EPCAM: variants seen among roughly 807,000 people sequenced by gnomAD.
The protein encoded by EPCAM is adenocarcinoma-associated antigen.
Under a neutral mutation model 40.0 loss-of-function variants are expected in EPCAM, and 39 were observed. That is an observed-to-expected ratio of 0.98 (90% CI 0.76 to 1.27). The LOEUF is 1.27. Ranked by LOEUF, EPCAM falls within the 50% of genes most tolerant of loss-of-function variation. EPCAM has a pLI of 0.00. For missense variants in EPCAM, 503 were observed against 381.2 expected (o/e 1.32, Z -2.66); for synonymous variants, 168 against 132.3 (o/e 1.27, Z -1.85).
chr2:47,385,110 G>C (rs1346662745), intron 7 of EPCAM, 56 bp from the exon 8 acceptor site: 1 of 1,312,318 alleles, frequency 7.6e-7, no homozygotes, highest in African/African-American at 1.5e-5. Flanking sequence ...TGTCTGTTTA[G>C]ATAATCTTTT....
intron 5 of EPCAM, among the ~76,000 whole-genome samples, chr2:47,378,298 T>C (rs898011811): frequency 1.4e-5 from 2 of 144,164 alleles, no homozygotes; most frequent in Non-Finnish European, 1.5e-5. Context: ...CTTTTTCTTT[T>C]CTTTTTTTTT....
At chr2:47,381,412 AG>A (rs1480522292) in intron 7 of EPCAM, among the ~76,000 whole-genome samples, 113 of 130,332 alleles carry the variant, frequency 8.7e-4, no homozygotes, top group East Asian at 7.8e-3. Flanking sequence ...AAAAAAAAAA[AG>A]AAATCTTACT....
chr2:47,369,967 G>A (rs1226485680), intron 1 of EPCAM, among the ~76,000 whole-genome samples: 1 of 152,212 alleles, frequency 6.6e-6, no homozygotes, highest in East Asian at 1.9e-4. Flanking sequence ...CCAGCCGGTG[G>A]CGGAGTCTTT....
chr2:47,376,480 G>A (rs1008673170), intron 4 of EPCAM, among the ~76,000 whole-genome samples: 6 of 151,924 alleles, frequency 3.9e-5, no homozygotes, highest in Admixed American at 1.3e-4. Flanking sequence ...GGCTGGTCTC[G>A]AACTCCCAAC....
At position 47,369,705 on chromosome 2, in the gene EPCAM, G is replaced by A. The variant is rs764848112; in HGVS notation, c.76+124G>A. ...CCAAGAGGCCGCGCTTTCCAGCGTG[G>A]AGACCGGACGGTGCGGCCGTGCTCC... On this transcript the variant is annotated intron_variant, in intron 1 of 8. Transcript: ENST00000263735. The A allele has an allele frequency of 3.8e-6, 4 of 1,039,588 alleles. No homozygotes were observed. The Admixed American group carries it at 6.0e-5, about 16-fold the overall frequency. The allele number at this position is 1,039,588 out of a possible 1,614,324, so 64.4% of individuals were successfully genotyped here. A position where few individuals can be genotyped will look rare whatever the true frequency, so the allele number is the denominator to read the frequency against.
intron 6 of EPCAM, among the ~76,000 whole-genome samples, chr2:47,379,330 C>T (rs952398155): frequency 6.6e-6 from 1 of 152,012 alleles, no homozygotes; most frequent in South Asian, 2.1e-4. Context: ...ATATGCTCCC[C>T]TATGATATTT....
intron 7 of EPCAM, chr2:47,383,121 A>G (rs1024720733): frequency 7.2e-5 from 11 of 151,946 alleles, no homozygotes; most frequent in African/African-American, 2.7e-4. Flanking sequence ...CCTGGCTAAC[A>G]CGGTGAAACC....
At chr2:47,369,746 C>A in intron 1 of EPCAM, 165 bp downstream of exon 1, 1 of 786,752 alleles carries the variant, frequency 1.3e-6, no homozygotes, top group Non-Finnish European at 2.2e-6. Context: ...AGGCCCTCCG[C>A]GCGGTAGGAA....
At chr2:47,383,568 G>C (rs1354454577) in intron 7 of EPCAM, 3 of 133,560 alleles carry the variant, frequency 2.2e-5, no homozygotes, top group African/African-American at 8.4e-5. Context: ...CTCTCAAAGT[G>C]CTAGGATTAC....
In EPCAM at chr2:47,379,847, C is replaced by A. The variant is rs2103759009; in HGVS notation, c.736C>A (p.Gln246Lys). 1.9e-6 allele frequency: 3 copies of A among 1,614,038 alleles called. No homozygotes were observed. The South Asian group carries it at 3.3e-5, about 18-fold the overall frequency. The change falls in exon 7 of 9, where the codon CAA becomes AAA. Residue 246 changes from glutamine (Q) to lysine (K), a missense_variant. By Grantham distance (53) the Gln-to-Lys change is moderately conservative. Transcript: ENST00000263735. ...NGEQLDLDPGQTLIYYVDEKA... is the reference protein window; with the variant it reads ...NGEQLDLDPGKTLIYYVDEKA... ...GGAACAACTGGATCTGGATCCTGGT[C>A]AAACTTTAATTTATTATGTTGATGA...
At chr2:47,372,659 C>G (rs1012278050) in intron 1 of EPCAM, among the ~76,000 whole-genome samples, 11 of 152,066 alleles carry the variant, frequency 7.2e-5, no homozygotes, top group Admixed American at 4.6e-4. Flanking sequence ...GTAGTCCCAG[C>G]TACTTGGGAG....
chr2:47,374,590 C>T (rs1666281826), intron 3 of EPCAM, among the ~76,000 whole-genome samples: 1 of 151,968 alleles, frequency 6.6e-6, no homozygotes, highest in African/African-American at 2.4e-5. Flanking sequence ...CTTCTGGAGC[C>T]TCGTTGTCAG....
chr2:47,370,570 C>T (rs754233429), intron 1 of EPCAM, among the ~76,000 whole-genome samples: 3 of 148,576 alleles, frequency 2.0e-5, no homozygotes, highest in African/African-American at 7.5e-5. Context: ...CCACCGTGCC[C>T]GGCCTATTTT....
At position 47,374,020 on chromosome 2, in the gene EPCAM, A is replaced by G; in HGVS notation, c.397A>G (p.Ile133Val). 3 of 1,614,224 alleles carry G rather than the reference A, an allele frequency of 1.9e-6. No homozygotes were observed. The South Asian group carries it at 3.3e-5, about 18-fold the overall frequency. The change falls in exon 3 of 9, where the codon ATA (isoleucine) becomes GTA (valine). Residue 133 changes from isoleucine to valine, a missense_variant. By Grantham distance (29) the Ile-to-Val change is conservative. Transcript: ENST00000263735. Reference protein sequence around the residue: ...GVRRTDKDTEITCSERVRTYW... With the variant: ...GVRRTDKDTEVTCSERVRTYW... Reference sequence around the variant, plus strand: ...CAGAAGAACAGACAAGGACACTGAAATAACCTGCTCTGAGCGAGTGAGAAC... The same window carrying G: ...CAGAAGAACAGACAAGGACACTGAAGTAACCTGCTCTGAGCGAGTGAGAAC...
chr2:47,378,214 A>G lies in EPCAM; in HGVS notation c.556-739A>G, dbSNP rs768456628. The stretch of plus-strand genomic sequence containing the variant: ...GCCACTGCACTCCAGCCTGGGCGAC[A>G]CAGCAAGACTCCGTCTCAAAAACAA... On this transcript the variant is annotated intron_variant, in intron 5 of 8. Coordinates refer to ENST00000263735, the MANE Select transcript of EPCAM (RefSeq NM_002354.3). Among the ~76,000 whole-genome samples the G allele has an allele frequency of 3.8e-4, 58 of 152,226 alleles. No individual in the cohort carries two copies. The Middle Eastern group carries it at 0.014, about 36-fold the overall frequency.
chr2:47,381,608 C>T (rs1156958775), intron 7 of EPCAM, among the ~76,000 whole-genome samples: 1 of 151,950 alleles, frequency 6.6e-6, no homozygotes, highest in Admixed American at 6.6e-5. Context: ...GTAGGAAAGG[C>T]GTTGGGCAGT....
intron 5 of EPCAM, among the ~76,000 whole-genome samples, chr2:47,377,428 G>C (rs1333459597): frequency 6.6e-6 from 1 of 151,900 alleles, no homozygotes; most frequent in African/African-American, 2.4e-5. Context: ...GTGTCGGCGG[G>C]GTTTTGCTAT....
chr2:47,371,218 A>T (rs964934770), intron 1 of EPCAM, among the ~76,000 whole-genome samples: 6 of 152,130 alleles, frequency 3.9e-5, no homozygotes, highest in African/African-American at 1.4e-4. Flanking sequence ...GTTTGATTTC[A>T]GTTTCTCTTA....
intron 7 of EPCAM, 71 bp from the exon 8 acceptor site, chr2:47,385,095 A>T: frequency 9.0e-7 from 1 of 1,116,484 alleles, no homozygotes; most frequent in Non-Finnish European, 1.4e-6. Context: ...CATTAAAAGC[A>T]TATATGTCTG....
Sources: gnomAD v4.1 joint callset for allele counts (sites outside exome capture counted in the v4.1 genomes callset) on GRCh38, gnomAD v4.1.1 for gene constraint, MANE v1.5 for transcripts, NCBI Gene and HGNC (gene_info 2026-07-23, HGNC 2026-07-21) for gene names.